PDHX: variants seen among roughly 807,000 people sequenced by gnomAD.
PDHX encodes the protein pyruvate dehydrogenase protein X component, mitochondrial.
A neutral mutation model predicts 55.3 loss-of-function variants in PDHX; 33 were observed. The observed-to-expected ratio is 0.60, with a 90% confidence interval of 0.45 to 0.80. The LOEUF is 0.80. PDHX is among the 30% of genes least tolerant of loss of function. The pLI is 0.00. For synonymous variants in PDHX, 226 were observed against 219.4 expected (o/e 1.03, Z -0.27); for missense variants, 622 against 619.9 (o/e 1.00, Z -0.04).
At chr11:34,917,815 G>A (rs1005458563) in intron 1 of PDHX, among the ~76,000 whole-genome samples, 33 of 152,166 alleles carry the variant, frequency 2.2e-4, no homozygotes, top group African/African-American at 7.5e-4. Context: ...GAGCAGAGGT[G>A]CTTTAACAGT....
At position 34,945,727 on chromosome 11, in the gene PDHX, CTT is replaced by C. The variant is rs530685002; in HGVS notation, c.242-1774_242-1773del. Among the ~76,000 whole-genome samples the C allele has an allele frequency of 1.1e-4, 16 of 152,122 alleles. No individual in the cohort carries two copies. In the East Asian group the frequency reaches 2.9e-3, roughly 27 times the overall value. ...ATTCATGTTTATATAGTCTAATACT[CTT>C]TTTTCTGTTTAAGTTTTTATCAAGG... On this transcript the variant is annotated intron_variant, in intron 2 of 10. Transcript: ENST00000227868.
intron 1 of PDHX, among the ~76,000 whole-genome samples, chr11:34,927,717 T>C (rs1435359121): frequency 6.6e-6 from 1 of 152,162 alleles, no homozygotes; most frequent in East Asian, 1.9e-4. Context: ...TTTTCTAGCA[T>C]GAAAGCCTGA....
At position 34,984,733 on chromosome 11, in the gene PDHX, G is replaced by T; in HGVS notation, c.1182+5G>T. The T allele has an allele frequency of 6.2e-7, 1 of 1,613,328 alleles. No individual in the cohort carries two copies. The highest frequency in any genetic ancestry group is 1.3e-5 in the African/African-American group (1 of 75,048). Reference sequence around the variant, plus strand: ...GAAATTGCTGACTCTGTAAAGGTATGTCTTAAGAAAGAGTGTGCTTTCAAA... The same window carrying T: ...GAAATTGCTGACTCTGTAAAGGTATTTCTTAAGAAAGAGTGTGCTTTCAAA... On this transcript the variant is annotated splice_donor_5th_base_variant and intron_variant, in intron 9 of 10. Transcript: ENST00000227868.
At chr11:34,953,937 TTTC>T (rs1215630752) in intron 3 of PDHX, among the ~76,000 whole-genome samples, 1 of 152,260 alleles carries the variant, frequency 6.6e-6, no homozygotes. Context: ...TTAATGAATG[TTTC>T]TTCTTCCCCT....
chr11:34,963,975 A>T (rs998269147), intron 5 of PDHX, among the ~76,000 whole-genome samples: 1 of 152,166 alleles, frequency 6.6e-6, no homozygotes, highest in East Asian at 1.9e-4. Context: ...GCAAGTGCCT[A>T]GTGTGTTTTA....
chr11:34,986,091 G>A (rs917834396), intron 9 of PDHX, among the ~76,000 whole-genome samples: 1 of 152,162 alleles, frequency 6.6e-6, no homozygotes, highest in African/African-American at 2.4e-5. Context: ...GATCACTTGA[G>A]GTCAGGAATT....
At chr11:34,916,071 C>T, upstream of PDHX, 16 of 999,912 alleles carry the variant, frequency 1.6e-5, no homozygotes, top group South Asian at 2.7e-4. Context: ...CTTCCGAACG[C>T]CAAGGTCGCG....
chr11:34,948,210 G>A (rs777822094), intron 3 of PDHX, among the ~76,000 whole-genome samples: 2 of 152,258 alleles, frequency 1.3e-5, no homozygotes, highest in Middle Eastern at 3.4e-3. Flanking sequence ...TTACCCAATT[G>A]CTCAATAAAT....
intron 3 of PDHX, among the ~76,000 whole-genome samples, chr11:34,956,919 C>T (rs555881794): frequency 6.6e-6 from 1 of 152,264 alleles, no homozygotes; most frequent in Admixed American, 6.5e-5. Flanking sequence ...TGAAAAGATT[C>T]TTGCATTAGG....
chr11:34,966,422 T>G (rs1176653131), intron 5 of PDHX, among the ~76,000 whole-genome samples: 2 of 152,232 alleles, frequency 1.3e-5, no homozygotes, highest in South Asian at 4.1e-4. Flanking sequence ...ATTGTTTGGC[T>G]TTTGAAAATA....
At position 34,916,878 on chromosome 11, in the gene PDHX, A is replaced by G. The variant is rs1159817699; in HGVS notation, c.160+63A>G. The G allele has an allele frequency of 2.1e-6, 3 of 1,454,328 alleles. No homozygotes were observed. In the African/African-American group the frequency reaches 4.2e-5, roughly 20 times the overall value. The allele number at this position is 1,454,328 out of a possible 1,614,324, so 90.1% of individuals were successfully genotyped here. On this transcript the variant is annotated intron_variant, in intron 1 of 10. Transcript: ENST00000227868. ...TGAGTGATGGGCCTGGGACAGGGGC[A>G]GTTATGATTGAGGGCCTGCTTTTGG...
chr11:34,966,701 C>G lies in PDHX; in HGVS notation c.703C>G (p.Pro235Ala), dbSNP rs747215797. The change falls in exon 6 of 11, where the codon CCA becomes GCA. Residue 235 changes from proline to alanine, a missense_variant. Pro to Ala is a conservative substitution (Grantham distance 27). Coordinates refer to ENST00000227868, the MANE Select transcript of PDHX (RefSeq NM_003477.3). Reference sequence around the variant, plus strand: ...CAAGATTACCGAGTCCAGACCAACTCCAGCCCCCACAGCCACTCCCACAGC... The same window carrying G: ...CAAGATTACCGAGTCCAGACCAACTGCAGCCCCCACAGCCACTCCCACAGC... ...TGKITESRPT[P>A]APTATPTAPS... is the part of the protein sequence containing the mutation. 5 of 1,614,024 alleles carry G rather than the reference C, an allele frequency of 3.1e-6. No homozygotes were observed. In the East Asian group the frequency reaches 6.7e-5, roughly 22 times the overall value.
At chr11:34,930,840 A>G (rs1242972135) in intron 1 of PDHX, among the ~76,000 whole-genome samples, 1 of 152,242 alleles carries the variant, frequency 6.6e-6, no homozygotes, top group African/African-American at 2.4e-5. Flanking sequence ...ATCATCCTTG[A>G]CAAGGCAAAC....
intron 9 of PDHX, among the ~76,000 whole-genome samples, chr11:34,988,466 A>T (rs1855696468): frequency 6.6e-6 from 1 of 151,790 alleles, no homozygotes; most frequent in Non-Finnish European, 1.5e-5. Context: ...CCAACCACTC[A>T]GCTTTGCTGC....
intron 3 of PDHX, among the ~76,000 whole-genome samples, chr11:34,952,553 T>G (rs1159149251): frequency 1.3e-5 from 2 of 150,756 alleles, no homozygotes; most frequent in African/African-American, 4.9e-5. Context: ...AATCAATAAA[T>G]GTAATCCAAC....
chr11:34,926,933 T>C (rs905561830), intron 1 of PDHX, among the ~76,000 whole-genome samples: 3 of 152,050 alleles, frequency 2.0e-5, no homozygotes, highest in African/African-American at 7.2e-5. Flanking sequence ...GATTGGTAAA[T>C]TGCTCATGTA....
chr11:34,934,622 G>C (rs1854262947), intron 2 of PDHX, among the ~76,000 whole-genome samples: 1 of 123,818 alleles, frequency 8.1e-6, no homozygotes, highest in South Asian at 2.5e-4. Context: ...CTGTTGCCCA[G>C]CCTGGAGTAT....
At chr11:34,928,570 G>T (rs1212853779) in intron 1 of PDHX, among the ~76,000 whole-genome samples, 4 of 147,052 alleles carry the variant, frequency 2.7e-5, no homozygotes, top group Non-Finnish European at 6.0e-5. Context: ...AACTGTTTTT[G>T]ATTTTTTCAT....
intron 9 of PDHX, among the ~76,000 whole-genome samples, chr11:34,986,774 T>C (rs949486679): frequency 6.6e-6 from 1 of 152,162 alleles, no homozygotes; most frequent in Admixed American, 6.5e-5. Context: ...CATACCACTT[T>C]GGAGTGTAGT....
Sources: allele counts gnomAD v4.1 joint callset (sites outside exome capture counted in the v4.1 genomes callset), GRCh38; gene constraint gnomAD v4.1.1; transcripts MANE v1.5; gene names NCBI Gene and HGNC (gene_info 2026-07-23, HGNC 2026-07-21).